Variants in CREB5 observed in about 807,000 individuals in gnomAD.
CREB5 encodes cAMP responsive element binding protein 5.
In CREB5, 19 loss-of-function variants were observed where a neutral mutation model predicts 57.1. The ratio of observed to expected loss-of-function variants is 0.33; its 90% CI spans 0.23 to 0.49. The LOEUF is 0.49. Ranked by LOEUF, CREB5 falls within the 20% of genes least tolerant of loss-of-function variation. The pLI, the probability that CREB5 is intolerant of heterozygous loss-of-function variation, is 0.99. For missense variants in CREB5, 579 were observed against 671.6 expected, an observed-to-expected ratio of 0.86 and a Z score of 1.52; for synonymous variants, 238 against 238.3, an observed-to-expected ratio of 1.00 and a Z score of 0.01.
chr7:28,323,811 A>C (rs1480357154), intron 1 of CREB5, among the ~76,000 whole-genome samples: 1 of 152,202 alleles, frequency 6.6e-6, no homozygotes, highest in Middle Eastern at 3.2e-3. Flanking sequence ...ATAACTATAC[A>C]ACTCACTATA....
intron 7 of CREB5, among the ~76,000 whole-genome samples, chr7:28,748,651 C>T (rs1804808393): frequency 6.6e-6 from 1 of 152,182 alleles, no homozygotes; most frequent in African/African-American, 2.4e-5. Context: ...GAAGCTAGAA[C>T]TTGGCATCGG....
intron 1 of CREB5, among the ~76,000 whole-genome samples, chr7:28,468,469 G>A (rs180955153): frequency 2.3e-3 from 344 of 152,330 alleles, no homozygotes; most frequent in Non-Finnish European, 2.9e-3. Flanking sequence ...ATGGAACGTG[G>A]CATCTTACCT....
chr7:28,520,099 T>C lies in CREB5; in HGVS notation c.291+12362T>C, dbSNP rs542131050. On this transcript the variant is annotated intron_variant, in intron 4 of 10. Coordinates refer to ENST00000357727, the MANE Select transcript of CREB5 (RefSeq NM_182898.4). Reference sequence around the variant, plus strand: ...AACTGATCCACTAAAATACTTTGTTTAGTTGCATCGTGGTATGGGTTCAGC... The same window carrying C: ...AACTGATCCACTAAAATACTTTGTTCAGTTGCATCGTGGTATGGGTTCAGC... Among the ~76,000 whole-genome samples, 4 of 152,336 alleles carry C rather than the reference T, an allele frequency of 2.6e-5. No homozygotes were observed. In the South Asian group the frequency reaches 8.3e-4, roughly 32 times the overall value.
intron 5 of CREB5, among the ~76,000 whole-genome samples, chr7:28,638,624 G>C (rs1161625080): frequency 6.6e-6 from 1 of 152,086 alleles, no homozygotes; most frequent in Non-Finnish European, 1.5e-5. Context: ...TAGGACTGCA[G>C]GTGTGTGCCA....
At chr7:28,731,911 C>CGAAT (rs1451084818) in intron 7 of CREB5, among the ~76,000 whole-genome samples, 1 of 152,116 alleles carries the variant, frequency 6.6e-6, no homozygotes, top group East Asian at 1.9e-4. Context: ...AGCCAGCGTA[C>CGAAT]GAATACATGC....
chr7:28,585,311 G>A (rs1227581423), intron 5 of CREB5, among the ~76,000 whole-genome samples: 4 of 152,286 alleles, frequency 2.6e-5, no homozygotes, highest in East Asian at 1.9e-4. Context: ...CTTCCTGTGT[G>A]GACACAGAAG....
At chr7:28,531,171 GT>G (rs553468562) in intron 4 of CREB5, among the ~76,000 whole-genome samples, 6 of 151,328 alleles carry the variant, frequency 4.0e-5, no homozygotes, top group African/African-American at 7.3e-5. Flanking sequence ...TGGTCTCTAG[GT>G]TTTTTTTTCT....
At chr7:28,601,846 G>A (rs1331398682) in intron 5 of CREB5, among the ~76,000 whole-genome samples, 3 of 152,138 alleles carry the variant, frequency 2.0e-5, no homozygotes, top group Non-Finnish European at 4.4e-5. Flanking sequence ...TTCTGTGGAA[G>A]CCATTGAAGC....
chr7:28,316,352 A>C (rs1382262557), intron 1 of CREB5, among the ~76,000 whole-genome samples: 1 of 152,138 alleles, frequency 6.6e-6, no homozygotes, highest in Non-Finnish European at 1.5e-5. Flanking sequence ...ATGCCTGGGA[A>C]AACCTGAGCC....
chr7:28,384,544 CATTTT>C (rs1258645851), intron 1 of CREB5, among the ~76,000 whole-genome samples: 1 of 151,896 alleles, frequency 6.6e-6, no homozygotes, highest in Non-Finnish European at 1.5e-5. Context: ...CAAATCATTT[CATTTT>C]AAAGACAACC....
At chr7:28,422,843 G>A (rs1049142533) in intron 1 of CREB5, among the ~76,000 whole-genome samples, 7 of 152,120 alleles carry the variant, frequency 4.6e-5, no homozygotes, top group African/African-American at 1.7e-4. Flanking sequence ...TTGCCCAATA[G>A]CCCATACCTA....
At chr7:28,706,534 G>A (rs907857151) in intron 5 of CREB5, among the ~76,000 whole-genome samples, 2 of 152,158 alleles carry the variant, frequency 1.3e-5, no homozygotes, top group African/African-American at 4.8e-5. Context: ...TTGCTTGTGT[G>A]TCCAGTCCAT....
chr7:28,703,659 C>G (rs1250000312), intron 5 of CREB5, among the ~76,000 whole-genome samples: 1 of 152,074 alleles, frequency 6.6e-6, no homozygotes, highest in Non-Finnish European at 1.5e-5. Flanking sequence ...AGACAGATGT[C>G]CCAGCTCAAG....
At position 28,825,559 on chromosome 7, in the gene CREB5, TC is replaced by T. The variant is rs1562671147; in HGVS notation, c.*6281del. 1 of 152,646 alleles carries T rather than the reference TC, an allele frequency of 6.6e-6. No homozygotes were observed. 9.5% of individuals were successfully genotyped at this position (152,646 alleles called of 1,614,324 possible). On this transcript the variant is annotated 3_prime_UTR_variant, in exon 11 of 11. Transcript: ENST00000357727. ...CCAAAAAGGTGCTGTCACTTTAAGT[TC>T]TGGACTTGGGGTTCTTTGTATTTGT...
At chr7:28,736,829 T>C (rs1804010576) in intron 7 of CREB5, among the ~76,000 whole-genome samples, 2 of 151,590 alleles carry the variant, frequency 1.3e-5, no homozygotes, top group African/African-American at 4.8e-5. Flanking sequence ...TCTCTCTTTT[T>C]TTTTTTTTTT....
intron 7 of CREB5, among the ~76,000 whole-genome samples, chr7:28,747,004 G>T (rs1562613915): frequency 2.6e-5 from 4 of 151,758 alleles, no homozygotes; most frequent in Admixed American, 1.3e-4. Flanking sequence ...TCCCCCTCAA[G>T]AAATATTTCA....
intron 1 of CREB5, among the ~76,000 whole-genome samples, chr7:28,317,059 C>T (rs571412049): frequency 6.0e-5 from 9 of 150,710 alleles, no homozygotes; most frequent in East Asian, 3.9e-4. Context: ...ATAGAACTGA[C>T]GCCCACATAG....
chr7:28,810,970 C>T (rs1245493107), intron 9 of CREB5, among the ~76,000 whole-genome samples: 2 of 152,028 alleles, frequency 1.3e-5, no homozygotes, highest in Non-Finnish European at 2.9e-5. Flanking sequence ...TTGTGATAGA[C>T]ATGATGAGAA....
chr7:28,796,843 G>A (rs1808070595), intron 7 of CREB5, among the ~76,000 whole-genome samples: 1 of 152,182 alleles, frequency 6.6e-6, no homozygotes, highest in African/African-American at 2.4e-5. Flanking sequence ...TAAGGACCTA[G>A]AGCTGCCTTA....
Sources: allele counts gnomAD v4.1 joint callset (sites outside exome capture counted in the v4.1 genomes callset), GRCh38; gene constraint gnomAD v4.1.1; transcripts MANE v1.5; gene names NCBI Gene and HGNC (gene_info 2026-07-23, HGNC 2026-07-21).